The following CAPS2 variants were observed in gnomAD, a reference collection of about 807,000 sequenced individuals.
CAPS2 encodes the protein calcyphosin-2.
CAPS2 carries 98 observed loss-of-function variants against 86.5 expected under a neutral mutation model. That is an observed-to-expected ratio of 1.13 (90% CI 0.96 to 1.34). The LOEUF (loss-of-function observed/expected upper bound fraction) is 1.34, where lower values mean the gene tolerates loss of function less well. Ranked by LOEUF, CAPS2 falls within the 40% of genes most tolerant of loss-of-function variation. The pLI is 0.00. For missense variants in CAPS2, 729 were observed against 686.8 expected (o/e 1.06, Z -0.69); for synonymous variants, 210 against 225.1 (o/e 0.93, Z 0.60).
At chr12:75,314,033 C>A (rs1273309627) in intron 6 of CAPS2, among the ~76,000 whole-genome samples, 2 of 152,090 alleles carry the variant, frequency 1.3e-5, no homozygotes, top group African/African-American at 4.8e-5. Context: ...GATTCTCATG[C>A]CTCAACTTCC....
intron 1 of CAPS2, among the ~76,000 whole-genome samples, chr12:75,387,424 T>C (rs2045347907): frequency 6.6e-6 from 1 of 152,156 alleles, no homozygotes. Flanking sequence ...GACAAGGATG[T>C]GGAGGAACAT....
chr12:75,343,978 G>T, intron 1 of CAPS2: 1 of 1,498,026 alleles, frequency 6.7e-7, no homozygotes, highest in Admixed American at 2.1e-5. Flanking sequence ...TCTTATTTGT[G>T]CATATTTTAA....
intron 5 of CAPS2, among the ~76,000 whole-genome samples, chr12:75,316,797 T>C (rs2039817565): frequency 6.6e-6 from 1 of 152,158 alleles, no homozygotes; most frequent in African/African-American, 2.4e-5. Flanking sequence ...ATTTGAATCT[T>C]TGAAAAATTA....
intron 1 of CAPS2, among the ~76,000 whole-genome samples, chr12:75,378,688 C>T (rs1278526557): frequency 2.6e-5 from 4 of 152,108 alleles, no homozygotes; most frequent in Non-Finnish European, 5.9e-5. Flanking sequence ...GAGGTCCACT[C>T]ACATCAAAAA....
At chr12:75,384,393 T>G (rs1017722341) in intron 1 of CAPS2, among the ~76,000 whole-genome samples, 2 of 152,028 alleles carry the variant, frequency 1.3e-5, no homozygotes, top group African/African-American at 4.8e-5. Context: ...ACCCACAAAC[T>G]TAATAATCTA....
intron 1 of CAPS2, among the ~76,000 whole-genome samples, chr12:75,336,075 A>G (rs1453555488): frequency 6.6e-6 from 1 of 152,058 alleles, no homozygotes; most frequent in Admixed American, 6.5e-5. Context: ...TGCATAAAAA[A>G]TGAAGTGAAG....
At chr12:75,335,000 G>A, upstream of CAPS2, 1 of 1,198,958 alleles carries the variant, frequency 8.3e-7, no homozygotes, top group East Asian at 2.4e-5. Flanking sequence ...ATTCAATCCG[G>A]ACTTTACATA....
At chr12:75,358,774 TATATATA>T (rs1011668752) in intron 1 of CAPS2, among the ~76,000 whole-genome samples, 6 of 144,274 alleles carry the variant, frequency 4.2e-5, no homozygotes, top group African/African-American at 1.3e-4. Flanking sequence ...TATGTTTAAA[TATATATA>T]ATATATAACA....
intron 1 of CAPS2, among the ~76,000 whole-genome samples, chr12:75,376,717 A>G (rs1218760980): frequency 6.6e-6 from 1 of 152,160 alleles, no homozygotes; most frequent in African/African-American, 2.4e-5. Flanking sequence ...GTAGGGTCCC[A>G]TTCTTTTCCA....
chr12:75,283,554 G>C (rs952750393), intron 15 of CAPS2, among the ~76,000 whole-genome samples: 4 of 152,100 alleles, frequency 2.6e-5, no homozygotes, highest in African/African-American at 9.7e-5. Flanking sequence ...GCTCATGCCT[G>C]TAATCCCAGC....
At chr12:75,347,282 T>C (rs76503544) in intron 1 of CAPS2, among the ~76,000 whole-genome samples, 5,990 of 152,194 alleles carry the variant, frequency 0.039, 137 homozygotes, top group East Asian at 0.052. Context: ...TTTCATATTG[T>C]TTGTATGATA....
At chr12:75,326,136 A>T (rs2040758993) in intron 1 of CAPS2, among the ~76,000 whole-genome samples, 1 of 152,142 alleles carries the variant, frequency 6.6e-6, no homozygotes, top group Non-Finnish European at 1.5e-5. Context: ...AACCGTAAAA[A>T]TTCCATTCTA....
chr12:75,304,365 G>C (rs1394843651), intron 8 of CAPS2, among the ~76,000 whole-genome samples: 2 of 152,110 alleles, frequency 1.3e-5, no homozygotes, highest in Admixed American at 6.5e-5. Context: ...CCAATTCTAA[G>C]GTTGAAAAAG....
upstream of CAPS2, among the ~76,000 whole-genome samples, chr12:75,331,894 C>A (rs547946759): frequency 2.0e-5 from 3 of 152,276 alleles, no homozygotes; most frequent in South Asian, 6.2e-4. Flanking sequence ...TATAAAAGAA[C>A]TTAAAAATTC....
upstream of CAPS2, among the ~76,000 whole-genome samples, chr12:75,327,954 C>T (rs2040942666): frequency 1.3e-5 from 2 of 151,716 alleles, no homozygotes; most frequent in Admixed American, 6.6e-5. Flanking sequence ...GTTCTCTTCA[C>T]CCCATCCCTA....
At chr12:75,367,724 T>C (rs560149435) in intron 1 of CAPS2, among the ~76,000 whole-genome samples, 8 of 152,180 alleles carry the variant, frequency 5.3e-5, no homozygotes, top group Admixed American at 2.6e-4. Context: ...TTTTATATGA[T>C]GACAAATCAT....
intron 16 of CAPS2, among the ~76,000 whole-genome samples, chr12:75,281,828 T>C (rs1195049149): frequency 2.0e-5 from 3 of 152,110 alleles, no homozygotes; most frequent in Non-Finnish European, 2.9e-5. Context: ...TTTTGATAGA[T>C]ATATGTATGT....
chr12:75,320,948 T>C (rs1191131266), intron 5 of CAPS2, among the ~76,000 whole-genome samples: 3 of 152,010 alleles, frequency 2.0e-5, no homozygotes, highest in African/African-American at 7.2e-5. Context: ...TAAAAAATCA[T>C]TTCCCATAAT....
chr12:75,377,272 T>C (rs1451496138), intron 1 of CAPS2, among the ~76,000 whole-genome samples: 1 of 152,140 alleles, frequency 6.6e-6, no homozygotes, highest in Non-Finnish European at 1.5e-5. Flanking sequence ...CCACTCCTGG[T>C]ACCAAAATCT....
Sources: gnomAD v4.1 joint callset for allele counts (sites outside exome capture counted in the v4.1 genomes callset) on GRCh38, gnomAD v4.1.1 for gene constraint, MANE v1.5 for transcripts, NCBI Gene and HGNC (gene_info 2026-07-23, HGNC 2026-07-21) for gene names.